Variants in MMP26 observed in about 807,000 individuals in gnomAD.
MMP26 encodes matrix metalloproteinase-26.
MMP26 carries 33 observed loss-of-function variants against 31.0 expected under a neutral mutation model. That is an observed-to-expected ratio of 1.06 (90% CI 0.81 to 1.42). MMP26 has a LOEUF of 1.42. MMP26 is among the 40% of genes most tolerant of loss of function. MMP26 has a pLI of 0.00. For synonymous variants in MMP26, 122 were observed against 114.9 expected (o/e 1.06, Z -0.40); for missense variants, 347 against 316.1 (o/e 1.10, Z -0.74).
At chr11:4,735,829 G>T (rs1365792065) in intron 1 of MMP26, among the ~76,000 whole-genome samples, 1 of 151,970 alleles carries the variant, frequency 6.6e-6, no homozygotes, top group Non-Finnish European at 1.5e-5. Flanking sequence ...AAATCAAATA[G>T]AACAGAATAT....
chr11:4,724,019 C>T (rs1014956262), intron 1 of MMP26: 9 of 691,254 alleles, frequency 1.3e-5, no homozygotes, highest in African/African-American at 3.5e-5. Context: ...CCATAACCTC[C>T]ACCCAGGCTA....
rs1046983902 is a variant in MMP26 at position 4,803,557 on chromosome 11, A to G, written c.-145+36216A>G. ...ATAGAGATTAGCAAACAGGATGTGT[A>G]CAACTCGGGGCACATCATGGCCAAA... On this transcript the variant is annotated intron_variant, in intron 2 of 7. Coordinates refer to ENST00000380390, the MANE Select transcript of MMP26 (RefSeq NM_021801.5). 2 of 1,613,918 alleles carry G rather than the reference A, an allele frequency of 1.2e-6. 1 individual carries two copies. Among genetic ancestry groups the G allele is most frequent in the South Asian group, 2.2e-5 (2 of 91,070 alleles).
chr11:4,807,699 G>A (rs112835198), intron 2 of MMP26, among the ~76,000 whole-genome samples: 10,594 of 151,912 alleles, frequency 0.07, 750 homozygotes, highest in African/African-American at 0.19. Context: ...GCAAACCAAC[G>A]TGGCACATGT....
chr11:4,986,936 T>TCTCTCTCTCTCTCTCTCTCTCTCA, intron 2 of MMP26, among the ~76,000 whole-genome samples: 1 of 113,178 alleles, frequency 8.8e-6, no homozygotes, highest in African/African-American at 4.6e-5. Context: ...TCTCTCCCTC[T>TCTCTCTCTCTCTCTCTCTCTCTCA]CTCTCTCTCT....
At chr11:4,780,487 A>G (rs1015464647) in intron 2 of MMP26, among the ~76,000 whole-genome samples, 15 of 125,006 alleles carry the variant, frequency 1.2e-4, no homozygotes, top group African/African-American at 3.9e-4. Context: ...AGTAATTGTT[A>G]AAAGTTTAAT....
intron 2 of MMP26, among the ~76,000 whole-genome samples, chr11:4,911,524 T>C (rs1172047048): frequency 6.6e-6 from 1 of 152,210 alleles, no homozygotes; most frequent in Non-Finnish European, 1.5e-5. Context: ...CACCAATTAA[T>C]GTAGCTTCCA....
chr11:4,817,998 G>C (rs1470334039), intron 2 of MMP26, among the ~76,000 whole-genome samples: 1 of 152,188 alleles, frequency 6.6e-6, no homozygotes, highest in African/African-American at 2.4e-5. Flanking sequence ...GGACAAGAGA[G>C]AGCAGAAAGG....
intron 2 of MMP26, among the ~76,000 whole-genome samples, chr11:4,778,322 G>A (rs189708584): frequency 1.1e-4 from 17 of 151,998 alleles, no homozygotes; most frequent in African/African-American, 1.7e-4. Flanking sequence ...TTTTACCTTC[G>A]TCATGACTTC....
chr11:4,908,274 T>G (rs1366848231), intron 2 of MMP26: 1 of 1,613,992 alleles, frequency 6.2e-7, no homozygotes, highest in Non-Finnish European at 8.5e-7. Flanking sequence ...TGGGAGAAGA[T>G]CTTGGGGAAG....
chr11:4,757,651 A>G (rs1848520920), intron 1 of MMP26, among the ~76,000 whole-genome samples: 1 of 152,022 alleles, frequency 6.6e-6, no homozygotes, highest in African/African-American at 2.4e-5. Flanking sequence ...GAATACACAT[A>G]TCACCAAAAC....
At chr11:4,965,113 T>C (rs1480393696) in intron 2 of MMP26, among the ~76,000 whole-genome samples, 1 of 152,172 alleles carries the variant, frequency 6.6e-6, no homozygotes, top group Non-Finnish European at 1.5e-5. Context: ...AGGACTTTCC[T>C]GGAGTATCAC....
At chr11:4,723,314 TC>T (rs1564894845) in intron 1 of MMP26, 19 of 979,096 alleles carry the variant, frequency 1.9e-5, no homozygotes, top group Non-Finnish European at 3.1e-5. Context: ...CCAGCCAGCA[TC>T]TGCAGCTCCT....
chr11:4,848,965 C>A, intron 2 of MMP26: 1 of 1,614,068 alleles, frequency 6.2e-7, no homozygotes, highest in Non-Finnish European at 8.5e-7. Flanking sequence ...AGGGCAGTGA[C>A]CAATCCAATA....
intron 2 of MMP26, among the ~76,000 whole-genome samples, chr11:4,987,417 G>GT (rs561730727): frequency 6.7e-5 from 10 of 149,094 alleles, no homozygotes; most frequent in African/African-American, 1.5e-4. Flanking sequence ...GTTTTTTTTT[G>GT]TTTTTTGTTT....
chr11:4,770,836 C>T (rs1042630886), intron 2 of MMP26, among the ~76,000 whole-genome samples: 1 of 151,120 alleles, frequency 6.6e-6, no homozygotes, highest in African/African-American at 2.4e-5. Context: ...TGAGAGACTC[C>T]GTCTAAAAAA....
At chr11:4,975,519 T>C (rs1481103471) in intron 2 of MMP26, among the ~76,000 whole-genome samples, 1 of 152,118 alleles carries the variant, frequency 6.6e-6, no homozygotes, top group Admixed American at 6.5e-5. Flanking sequence ...TTATTCCATA[T>C]GGCTGAATAG....
intron 2 of MMP26, among the ~76,000 whole-genome samples, chr11:4,887,136 T>A (rs1196559407): frequency 6.6e-6 from 1 of 152,054 alleles, no homozygotes; most frequent in African/African-American, 2.4e-5. Flanking sequence ...GTGATTATTC[T>A]ATTTTTTTGT....
At chr11:4,826,736 C>T (rs934334365) in intron 2 of MMP26, among the ~76,000 whole-genome samples, 1 of 152,086 alleles carries the variant, frequency 6.6e-6, no homozygotes, top group Non-Finnish European at 1.5e-5. Flanking sequence ...TAAGGCCCAA[C>T]ATCTTCATCA....
chr11:4,849,134 C>T (rs767316024), intron 2 of MMP26: 3 of 1,613,974 alleles, frequency 1.9e-6, no homozygotes, highest in Admixed American at 1.7e-5. Context: ...ATAGGCCTGG[C>T]ATGCCCACCA....
Sources: allele counts gnomAD v4.1 joint callset (sites outside exome capture counted in the v4.1 genomes callset), GRCh38; gene constraint gnomAD v4.1.1; transcripts MANE v1.5; gene names NCBI Gene and HGNC (gene_info 2026-07-23, HGNC 2026-07-21).